TPCN2: variants seen among roughly 807,000 people sequenced by gnomAD.
TPCN2 encodes two pore segment channel 2, also known as two pore channel protein 2.
A neutral mutation model predicts 111.4 loss-of-function variants in TPCN2; 92 were observed. The observed-to-expected ratio is 0.83, with a 90% CI of 0.70 to 0.98. TPCN2 has a LOEUF of 0.98. Among genes scored for constraint, TPCN2 ranks in the 50% least tolerant of loss-of-function variants. TPCN2 has a pLI of 0.00. For missense variants in TPCN2, 995 were observed against 980.1 expected (o/e 1.02, Z -0.20); for synonymous variants, 405 against 414.5 (o/e 0.98, Z 0.28).
intron 22 of TPCN2, among the ~76,000 whole-genome samples, chr11:69,086,143 C>G (rs959085287): frequency 2.0e-5 from 3 of 152,202 alleles, no homozygotes; most frequent in African/African-American, 7.2e-5. Flanking sequence ...TGGCCAGTGA[C>G]TCTGGGTTTA....
At position 69,081,510 on chromosome 11, in the gene TPCN2, G is replaced by A; in HGVS notation, c.1689+11G>A. The A allele has an allele frequency of 6.5e-7, 1 of 1,539,300 alleles. No homozygotes were observed. Among genetic ancestry groups the A allele is most frequent in the Non-Finnish European group, 8.8e-7 (1 of 1,138,308 alleles). On this transcript the variant is annotated intron_variant, in intron 18 of 24. Coordinates refer to ENST00000294309, the MANE Select transcript of TPCN2 (RefSeq NM_139075.4). Reference sequence around the variant, plus strand: ...ATCCCCAGCATGAAGGTGTGTGCCGGCCCCACCCCCACTCGCCCCACCCTC... The same window carrying A: ...ATCCCCAGCATGAAGGTGTGTGCCGACCCCACCCCCACTCGCCCCACCCTC...
At position 69,048,952 on chromosome 11, in the gene TPCN2, C is replaced by A. The variant is rs766658585; in HGVS notation, c.-46C>A. The A allele has an allele frequency of 5.9e-6, 7 of 1,193,430 alleles. No individual in the cohort carries two copies. The highest frequency in any genetic ancestry group is 4.7e-5 in the African/African-American group (3 of 63,650). The allele number at this position is 1,193,430 out of a possible 1,614,324, so 73.9% of individuals were successfully genotyped here. On this transcript the variant is annotated 5_prime_UTR_variant, in exon 1 of 25. Coordinates refer to ENST00000294309, the MANE Select transcript of TPCN2 (RefSeq NM_139075.4). ...CCTGCGCAGTGAAGCTGGGCGCCTT[C>A]GGGGCTTGAGCTTCTGAGGGTCGGG...
intron 18 of TPCN2, 95 bp from the exon 19 acceptor site, chr11:69,083,850 C>A: frequency 1.7e-6 from 2 of 1,182,196 alleles, no homozygotes; most frequent in Non-Finnish European, 2.5e-6. Context: ...CCTGCCCCAT[C>A]TTGCCTTTCT....
At chr11:69,079,307 G>T in intron 16 of TPCN2, 1 of 456,666 alleles carries the variant, frequency 2.2e-6, no homozygotes, top group Non-Finnish European at 3.9e-6. Flanking sequence ...CCTGGCCAGC[G>T]ACTCCAGCCC....
At chr11:69,057,993 C>G (rs1854850656) in intron 5 of TPCN2, among the ~76,000 whole-genome samples, 1 of 152,240 alleles carries the variant, frequency 6.6e-6, no homozygotes, top group African/African-American at 2.4e-5. Flanking sequence ...CGCTCTCTAG[C>G]TGAAGGCCTC....
At chr11:69,055,936 T>C (rs549756407) in intron 4 of TPCN2, among the ~76,000 whole-genome samples, 1 of 152,308 alleles carries the variant, frequency 6.6e-6, no homozygotes, top group South Asian at 2.1e-4. Flanking sequence ...GGGTTTCTTA[T>C]GCACACAGCA....
At position 69,081,457 on chromosome 11, in the gene TPCN2, G is replaced by A. The variant is rs1033453938; in HGVS notation, c.1647G>A (p.Met549Ile). 1.3e-6 allele frequency: 2 copies of A among 1,575,612 alleles called. No homozygotes were observed. The highest frequency in any genetic ancestry group is 8.6e-7 in the Non-Finnish European group (1 of 1,160,576). Residue 549 changes from methionine (M) to isoleucine (I), a missense_variant, in exon 18 of 25, where the codon ATG (methionine) becomes ATA (isoleucine). Physicochemically the swap from Met to Ile is conservative, Grantham distance 10. Transcript: ENST00000294309. ...GGGACATGACCCGCATGCTGAACAT[G>A]CTCATCGTGTTCCGCTTCCTGCGTA... is the stretch of plus-strand genomic sequence containing the variant. ...SLWDMTRMLN[M>I]LIVFRFLRII...
chr11:69,078,323 G>A (rs1439988420), intron 13 of TPCN2, among the ~76,000 whole-genome samples, 159 bp from the exon 14 acceptor site: 1 of 152,134 alleles, frequency 6.6e-6, no homozygotes, highest in Admixed American at 6.5e-5. Flanking sequence ...TGTATAAAGC[G>A]ATTTCTGTGT....
intron 14 of TPCN2, 64 bp from the exon 15 acceptor site, chr11:69,078,670 C>G: frequency 6.2e-7 from 1 of 1,613,316 alleles, no homozygotes; most frequent in Non-Finnish European, 8.5e-7. Context: ...GGGGAGCCTG[C>G]CCCTCCTGCC....
At chr11:69,065,757 AG>A (rs1855246703) in intron 7 of TPCN2, among the ~76,000 whole-genome samples, 1 of 152,128 alleles carries the variant, frequency 6.6e-6, no homozygotes, top group Non-Finnish European at 1.5e-5. Context: ...TCCAAGAACC[AG>A]GGTTGGTGTT....
chr11:69,062,597 G>A (rs1337978889), intron 5 of TPCN2, among the ~76,000 whole-genome samples: 1 of 124,150 alleles, frequency 8.1e-6, no homozygotes, highest in African/African-American at 2.9e-5. Context: ...AGGGGAGGAT[G>A]GCCTGGGACA....
Position 69,085,229 on chromosome 11 carries a change from CCAT to C in TPCN2, c.1785_1787del (p.Ile596del). ...CGCCAGGTGGTCTACTACGTATTTG[CCAT>C]CATTGGGATCAACTTGTTTAGAGGC... On this transcript the variant is annotated inframe_deletion, in exon 20 of 25. Coordinates refer to ENST00000294309, the MANE Select transcript of TPCN2 (RefSeq NM_139075.4). The C allele has an allele frequency of 6.2e-7, 1 of 1,613,996 alleles. No individual in the cohort carries two copies. The highest frequency in any genetic ancestry group is 8.5e-7 in the Non-Finnish European group (1 of 1,179,930).
At chr11:69,064,286 C>T (rs1168316201) in intron 7 of TPCN2, among the ~76,000 whole-genome samples, 1 of 42,540 alleles carries the variant, frequency 2.4e-5, no homozygotes, top group Non-Finnish European at 6.7e-5. Context: ...CTTCCCTCCC[C>T]CCTCCCTATC....
At position 69,085,208 on chromosome 11, in the gene TPCN2, A is replaced by G. The variant is rs1024483500; in HGVS notation, c.1762-2A>G. 6.2e-7 allele frequency: 1 copy of G among 1,613,690 alleles called. No homozygotes were observed. Among genetic ancestry groups the G allele is most frequent in the African/African-American group, 1.3e-5 (1 of 74,908 alleles). On this transcript the variant is annotated splice_acceptor_variant, in intron 19 of 24. Transcript: ENST00000294309. LOFTEE classifies it high-confidence loss of function. Reference sequence around the variant, plus strand: ...ATCAGTCCCCGGCTCCTGGCCCGCCAGGTGGTCTACTACGTATTTGCCATC... The same window carrying G: ...ATCAGTCCCCGGCTCCTGGCCCGCCGGGTGGTCTACTACGTATTTGCCATC...
intron 20 of TPCN2, 73 bp downstream of exon 20, chr11:69,085,359 CCTCAGTGGG>C (rs1220508232): frequency 1.4e-6 from 2 of 1,412,138 alleles, no homozygotes; most frequent in Non-Finnish European, 2.0e-6. Flanking sequence ...TTGGCGGTGG[CCTCAGTGGG>C]CTCAGCATCT....
intron 4 of TPCN2, among the ~76,000 whole-genome samples, chr11:69,056,117 C>T (rs930942649): frequency 9.2e-5 from 14 of 152,238 alleles, no homozygotes; most frequent in African/African-American, 3.4e-4. Context: ...TCCAGTGCTG[C>T]GGTCTCAGGG....
At chr11:69,084,997 G>A (rs1457272295) in intron 19 of TPCN2, among the ~76,000 whole-genome samples, 3 of 152,178 alleles carry the variant, frequency 2.0e-5, no homozygotes, top group African/African-American at 4.8e-5. Flanking sequence ...CCATGACCAC[G>A]CCTGCCTGAG....
At chr11:69,054,864 A>G in intron 3 of TPCN2, 67 bp downstream of exon 3, 3 of 1,514,178 alleles carry the variant, frequency 2.0e-6, no homozygotes, top group Non-Finnish European at 2.7e-6. Context: ...GCTGGCCCCC[A>G]CCTGGGGATC....
intron 18 of TPCN2, among the ~76,000 whole-genome samples, chr11:69,082,535 A>G (rs1213570259): frequency 6.6e-6 from 1 of 152,298 alleles, no homozygotes; most frequent in Non-Finnish European, 1.5e-5. Context: ...GCATGCAGAT[A>G]TCCATGTGAA....
Sources: allele counts gnomAD v4.1 joint callset (sites outside exome capture counted in the v4.1 genomes callset), GRCh38; gene constraint gnomAD v4.1.1; transcripts MANE v1.5; gene names NCBI Gene and HGNC (gene_info 2026-07-23, HGNC 2026-07-21).